The following COL6A6 variants were observed in gnomAD, a reference collection of about 807,000 sequenced individuals.
The protein encoded by COL6A6 is collagen type VI alpha 6 chain, also known as collagen alpha-6(VI) chain.
COL6A6 carries 183 observed loss-of-function variants against 208.6 expected under a neutral mutation model. That is an observed-to-expected ratio of 0.88 (90% CI 0.78 to 0.99). The LOEUF is 0.99. COL6A6 is among the 50% of genes least tolerant of loss of function. COL6A6 has a pLI of 0.00. For missense variants in COL6A6, 2,816 were observed against 2,815.2 expected (o/e 1.00, Z -0.01); for synonymous variants, 973 against 1,011.8 (o/e 0.96, Z 0.73).
rs531126976 is a variant in COL6A6, at chr3:130,546,191, C to T, written c.-31-14143C>T. Among the ~76,000 whole-genome samples, 13 of 152,198 alleles carry T rather than the reference C, an allele frequency of 8.5e-5. No individual in the cohort carries two copies. The South Asian group carries it at 2.3e-3, about 27-fold the overall frequency. On this transcript the variant is annotated intron_variant, in intron 1 of 36. Transcript: ENST00000358511. The stretch of plus-strand genomic sequence containing the variant: ...TTACAGTTCTTAAAGATGGTGTGTC[C>T]GGAGTTTGTTCCTTCTGACGTTCGG...
In COL6A6 at chr3:130,649,446, G is replaced by A. The variant is rs763694891; in HGVS notation, c.5617G>A (p.Gly1873Ser). The A allele has an allele frequency of 7.4e-6, 12 of 1,612,556 alleles. No individual in the cohort carries two copies. In the South Asian group the frequency reaches 7.7e-5, roughly 10 times the overall value. The change falls in exon 33 of 37, where the codon GGT (glycine) becomes AGT (serine). Residue 1873 changes from glycine (G) to serine (S), a missense_variant. Physicochemically the swap from Gly to Ser is moderately conservative, Grantham distance 56 (BLOSUM62 0). Coordinates refer to ENST00000358511, the MANE Select transcript of COL6A6 (RefSeq NM_001102608.3). ...AAAAATCGCCACATTTTTCAGCAGC[G>A]GTCAGTCCGCGGATGCCCACTCCAT... The part of the protein sequence containing the change: ...TRKIATFFSS[G>S]QSADAHSITT...
Position 130,649,060 on chromosome 3 carries a change from G to C in COL6A6, c.5240-9G>C, listed in dbSNP as rs149177117. The C allele has an allele frequency of 4.3e-3, 6,606 of 1,542,708 alleles. 74 individuals carry two copies. Among genetic ancestry groups the C allele is most frequent in the African/African-American group, 0.037 (2,682 of 71,978 alleles). The stretch of plus-strand genomic sequence containing the variant: ...AGGATGCTATGTGTTAAGGGATATG[G>C]TCTTTTAGGAAAACCGGAATGCCCA... On this transcript the variant is annotated splice_polypyrimidine_tract_variant and intron_variant, in intron 32 of 36. Coordinates refer to ENST00000358511, the MANE Select transcript of COL6A6 (RefSeq NM_001102608.3).
chr3:130,601,215 GA>G (rs921513862), intron 20 of COL6A6, among the ~76,000 whole-genome samples: 21 of 123,960 alleles, frequency 1.7e-4, no homozygotes, highest in African/African-American at 6.6e-4. Flanking sequence ...CTCCCAAATA[GA>G]AAAATGTTTT....
chr3:130,652,932 TCAGAAGCACC>T (rs1191071131), intron 33 of COL6A6, among the ~76,000 whole-genome samples: 1 of 152,232 alleles, frequency 6.6e-6, no homozygotes, highest in Non-Finnish European at 1.5e-5. Context: ...GTGTTGGGAC[TCAGAAGCACC>T]CGCTCTGACA....
intron 11 of COL6A6, among the ~76,000 whole-genome samples, chr3:130,587,631 G>T (rs956414915): frequency 6.6e-6 from 1 of 152,198 alleles, no homozygotes; most frequent in Non-Finnish European, 1.5e-5. Flanking sequence ...CTACTTTAAT[G>T]AATTGCTAGT....
At chr3:130,642,659 A>G (rs2065350105) in intron 29 of COL6A6, among the ~76,000 whole-genome samples, 173 bp from the exon 30 acceptor site, 2 of 152,136 alleles carry the variant, frequency 1.3e-5, no homozygotes, top group Non-Finnish European at 2.9e-5. Flanking sequence ...TCTTTCCAGA[A>G]TGTTACTGTT....
At chr3:130,665,163 CTCCTTTTCTT>C in intron 36 of COL6A6, 67 bp downstream of exon 36, 2 of 1,064,178 alleles carry the variant, frequency 1.9e-6, no homozygotes, top group Non-Finnish European at 2.7e-6. Context: ...TTTCCTCCTC[CTCCTTTTCTT>C]GCTTTTCTTC....
At chr3:130,545,406 T>C (rs2062466653) in intron 1 of COL6A6, among the ~76,000 whole-genome samples, 1 of 151,948 alleles carries the variant, frequency 6.6e-6, no homozygotes, top group Non-Finnish European at 1.5e-5. Context: ...GTAATTCTCA[T>C]CATTGCTCCA....
chr3:130,595,984 G>C (rs1415664880), intron 18 of COL6A6, among the ~76,000 whole-genome samples: 1 of 152,176 alleles, frequency 6.6e-6, no homozygotes, highest in African/African-American at 2.4e-5. Context: ...GCAATACCAA[G>C]TGCTGATAAG....
chr3:130,658,641 C>T (rs2065860720), intron 33 of COL6A6, 35 bp from the exon 34 acceptor site: 1 of 1,417,226 alleles, frequency 7.1e-7, no homozygotes, highest in African/African-American at 1.4e-5. Flanking sequence ...CAGCCCTACC[C>T]ACTAAGTTCT....
chr3:130,647,561 T>C (rs1407467997), intron 32 of COL6A6, among the ~76,000 whole-genome samples: 2 of 152,204 alleles, frequency 1.3e-5, no homozygotes, highest in African/African-American at 4.8e-5. Flanking sequence ...ATGAACAGTT[T>C]GATTTGGGTT....
chr3:130,596,556 A>G (rs775378657), intron 18 of COL6A6, among the ~76,000 whole-genome samples: 1 of 152,212 alleles, frequency 6.6e-6, no homozygotes, highest in Non-Finnish European at 1.5e-5. Context: ...TAGAACACAC[A>G]TGATCAGTTT....
Position 130,661,754 on chromosome 3 carries a change from A to C in COL6A6, c.5948A>C (p.Asp1983Ala), listed in dbSNP as rs775059830. The C allele has an allele frequency of 1.8e-5, 29 of 1,613,796 alleles. No homozygotes were observed. The highest frequency in any genetic ancestry group is 2.5e-6 in the Non-Finnish European group (3 of 1,179,870). The change falls in exon 35 of 37, where the codon GAC becomes GCC. Residue 1983 changes from aspartate (D) to alanine (A), a missense_variant. Transcript: ENST00000358511. ...SRNMGSAEFEDIRAFLGALLD... is the reference protein window; with the variant it reads ...SRNMGSAEFEAIRAFLGALLD... ...AACATGGGAAGTGCTGAATTTGAAG[A>C]CATAAGAGCCTTCCTTGGAGCACTA...
At chr3:130,665,444 T>C (rs2108473643) in intron 36 of COL6A6, among the ~76,000 whole-genome samples, 1 of 152,260 alleles carries the variant, frequency 6.6e-6, no homozygotes, top group South Asian at 2.1e-4. Flanking sequence ...TAATTCTAGA[T>C]TGCCCCAGGG....
chr3:130,649,235 C>G lies in COL6A6; in HGVS notation c.5406C>G (p.Ile1802Met). ...GCCCCGTGGGAGCGCACATCGCCAT[C>G]CTCTCCTATAACTCCCACGCCAGGC... ...NSCPVGAHIAILSYNSHARHL... is the reference protein window; with the variant it reads ...NSCPVGAHIAMLSYNSHARHL... The change falls in exon 33 of 37, where the codon ATC becomes ATG. Residue 1802 changes from isoleucine to methionine, a missense_variant. Physicochemically the swap from Ile to Met is conservative, Grantham distance 10. Coordinates refer to ENST00000358511, the MANE Select transcript of COL6A6 (RefSeq NM_001102608.3). The G allele has an allele frequency of 1.9e-6, 3 of 1,593,128 alleles. No individual in the cohort carries two copies. The highest frequency in any genetic ancestry group is 2.6e-6 in the Non-Finnish European group (3 of 1,169,954).
At chr3:130,619,374 C>A (rs925661043) in intron 23 of COL6A6, among the ~76,000 whole-genome samples, 7 of 152,116 alleles carry the variant, frequency 4.6e-5, no homozygotes, top group African/African-American at 1.7e-4. Flanking sequence ...GAAAAATTTG[C>A]ATGAGTGTGG....
chr3:130,581,927 G>T, intron 9 of COL6A6, 23 bp downstream of exon 9: 2 of 1,595,536 alleles, frequency 1.3e-6, no homozygotes, highest in Non-Finnish European at 1.7e-6. Flanking sequence ...TATCTTATTT[G>T]TTGGTCTATG....
chr3:130,619,982 T>G lies in COL6A6; in HGVS notation c.4816-1839T>G, dbSNP rs116889239. ...CAGAGTCTCACTCTATCACCCAGGC[T>G]GGAGTGCAGTGACACAATTATAGCT... On this transcript the variant is annotated intron_variant, in intron 23 of 36. Transcript: ENST00000358511. Among the ~76,000 whole-genome samples the G allele has an allele frequency of 4.6e-3, 703 of 152,326 alleles. 2 individuals carry two copies. The highest frequency in any genetic ancestry group is 0.027 in the East Asian group (142 of 5,182).
rs539630590 is a variant in COL6A6 at position 130,611,205 on chromosome 3, A to ACTGCTCTGCATTAGCACT, written c.4815+496_4815+513dup. 3.1e-3 allele frequency among the ~76,000 whole-genome samples: 475 copies of ACTGCTCTGCATTAGCACT among 152,292 alleles called. 2 individuals are homozygous for ACTGCTCTGCATTAGCACT. Among genetic ancestry groups the ACTGCTCTGCATTAGCACT allele is most frequent in the African/African-American group, 0.011 (449 of 41,562 alleles). ...TAATATAGACCTAGGGTTGGGAATGACTGCTCTGCATTAGCACTCCTCCAG... is the reference window on the plus strand; with the variant it reads ...TAATATAGACCTAGGGTTGGGAATGACTGCTCTGCATTAGCACTCTGCTCTGCATTAGCACTCCTCCAG... On this transcript the variant is annotated intron_variant, in intron 23 of 36. Transcript: ENST00000358511.
Sources: gnomAD v4.1 joint callset for allele counts (sites outside exome capture counted in the v4.1 genomes callset) on GRCh38, gnomAD v4.1.1 for gene constraint, MANE v1.5 for transcripts, NCBI Gene and HGNC (gene_info 2026-07-23, HGNC 2026-07-21) for gene names.